The following IL1B variants were observed in gnomAD, a reference collection of about 807,000 sequenced individuals.
IL1B encodes interleukin 1 beta, also known as interleukin-1 beta.
IL1B carries 11 observed loss-of-function variants against 26.2 expected under a neutral mutation model. That is an observed-to-expected ratio of 0.42 (90% CI 0.26 to 0.70). IL1B has a LOEUF of 0.70. Ranked by LOEUF, IL1B falls within the 30% of genes least tolerant of loss-of-function variation. The probability of loss-of-function intolerance (pLI) is 0.25; values close to 1 mark genes in which losing one functional copy is unlikely to be tolerated. For missense variants in IL1B, 255 were observed against 327.5 expected (o/e 0.78, Z 1.71); for synonymous variants, 118 against 120.8 (o/e 0.98, Z 0.15).
Position 112,830,530 on chromosome 2 carries a change from C to A in IL1B, c.641G>T (p.Arg214Leu), listed in dbSNP as rs772717932. The change falls in exon 7 of 7, where the codon CGA (arginine) becomes CTA (leucine). Residue 214 changes from arginine (R) to leucine (L), a missense_variant. Transcript: ENST00000263341. ...KNYPKKKMEK[R>L]FVFNKIEINN... is the part of the protein sequence containing the mutation. ...GATTTCTATCTTGTTGAAGACAAAT[C>A]GCTTTTCCATCTTCTTCTTTGGGTA... 1.2e-6 allele frequency: 2 copies of A among 1,613,986 alleles called. No individual in the cohort carries two copies. The highest frequency in any genetic ancestry group is 1.7e-6 in the Non-Finnish European group (2 of 1,179,978).
In IL1B at chr2:112,831,330, A is replaced by C; in HGVS notation, c.559T>G (p.Cys187Gly). 1 of 1,614,032 alleles carries C rather than the reference A, an allele frequency of 6.2e-7. No homozygotes were observed. Among genetic ancestry groups the C allele is most frequent in the Non-Finnish European group, 8.5e-7 (1 of 1,179,942 alleles). ...GLKEKNLYLS[C>G]VLKDDKPTLQ... ...GTGGGCTTATCATCTTTCAACACGC[A>C]GGACAGGTACAGATTCTTTTCCTTG... Residue 187 changes from cysteine to glycine, a missense_variant, in exon 6 of 7, where the codon TGC becomes GGC. Transcript: ENST00000263341.
At chr2:112,832,544 A>T (rs992837444) in intron 5 of IL1B, 118 bp downstream of exon 5, 15 of 1,115,518 alleles carry the variant, frequency 1.3e-5, no homozygotes, top group Middle Eastern at 2.7e-4. Context: ...CCTTTTTAAT[A>T]TTTTTTTTCA....
intron 5 of IL1B, among the ~76,000 whole-genome samples, chr2:112,832,273 G>T (rs1188847375): frequency 6.6e-6 from 1 of 152,216 alleles, no homozygotes; most frequent in Admixed American, 6.5e-5. Flanking sequence ...AGACTGGGGA[G>T]GGGGATGGAC....
At chr2:112,835,706 G>A in intron 2 of IL1B, 89 bp from the exon 3 acceptor site, 2 of 1,149,402 alleles carry the variant, frequency 1.7e-6, no homozygotes, top group Non-Finnish European at 2.6e-6. Context: ...CTGTTCATAA[G>A]AAACTGCAAA....
intron 4 of IL1B, 149 bp from the exon 5 acceptor site, chr2:112,832,975 G>A: frequency 1.3e-6 from 1 of 756,862 alleles, no homozygotes; most frequent in Admixed American, 2.0e-5. Context: ...GCTGGGAGTG[G>A]GGTGGCTAAG....
Position 112,832,748 on chromosome 2 carries a change from C to T in IL1B, c.380G>A (p.Arg127Gln), listed in dbSNP as rs765269921. The change falls in exon 5 of 7, where the codon CGG (arginine) becomes CAG (glutamine). Residue 127 changes from arginine to glutamine, a missense_variant. By Grantham distance (43) the Arg-to-Gln change is conservative. Coordinates refer to ENST00000263341, the MANE Select transcript of IL1B (RefSeq NM_000576.3). ...CACCAAGCTTTTTTGCTGTGAGTCC[C>T]GGAGCGTGCAGTTCAGTGATCGTAC... ...APVRSLNCTL[R>Q]DSQQKSLVMS... 7.4e-6 allele frequency: 12 copies of T among 1,614,056 alleles called. No homozygotes were observed. The highest frequency in any genetic ancestry group is 1.6e-4 in the Middle Eastern group (1 of 6,062).
chr2:112,833,722 G>GA, intron 3 of IL1B, 147 bp from the exon 4 acceptor site: 1 of 788,158 alleles, frequency 1.3e-6, no homozygotes, highest in Non-Finnish European at 2.1e-6. Context: ...GGCCAGGCGT[G>GA]GTGGCTCATG....
intron 6 of IL1B, 59 bp downstream of exon 6, chr2:112,831,233 T>A: frequency 1.2e-6 from 2 of 1,606,184 alleles, no homozygotes; most frequent in Non-Finnish European, 1.7e-6. Flanking sequence ...AAGGTGGTTG[T>A]CTGGGAATAA....
In IL1B at chr2:112,832,925, T is replaced by C. The variant is rs1405566537; in HGVS notation, c.302-99A>G. 2.0e-5 allele frequency: 23 copies of C among 1,164,328 alleles called. No homozygotes were observed. In the Admixed American group the frequency reaches 3.5e-4, roughly 18 times the overall value. The allele number at this position is 1,164,328 out of a possible 1,614,324, so 72.1% of individuals were successfully genotyped here. On this transcript the variant is annotated intron_variant, in intron 4 of 6. Coordinates refer to ENST00000263341, the MANE Select transcript of IL1B (RefSeq NM_000576.3). ...TGATTTCTTGGAGGACACCTGAGCA[T>C]ATACGGTCAAAGTCTGATGACAACA...
In IL1B at chr2:112,832,825, T is replaced by A; in HGVS notation, c.303A>T (p.Glu101Asp). ...TATCCCATGTGTCGAAGAAGATAGGTTCTGAAATGTGGAGCACATGTTGTT... is the reference window on the plus strand; with the variant it reads ...TATCCCATGTGTCGAAGAAGATAGGATCTGAAATGTGGAGCACATGTTGTT... Reference protein sequence around the residue: ...STFFPFIFEEEPIFFDTWDNE... With the variant: ...STFFPFIFEEDPIFFDTWDNE... Residue 101 changes from glutamate (E) to aspartate (D), a missense_variant and splice_region_variant, in exon 5 of 7, where the codon GAA becomes GAT. Coordinates refer to ENST00000263341, the MANE Select transcript of IL1B (RefSeq NM_000576.3). 1 of 1,614,070 alleles carries A rather than the reference T, an allele frequency of 6.2e-7. No individual in the cohort carries two copies. The highest frequency in any genetic ancestry group is 8.5e-7 in the Non-Finnish European group (1 of 1,179,992).
chr2:112,834,635 T>G (rs1682052413), intron 3 of IL1B, among the ~76,000 whole-genome samples: 1 of 152,244 alleles, frequency 6.6e-6, no homozygotes, highest in African/African-American at 2.4e-5. Flanking sequence ...GACAAGCCAA[T>G]GGGCTCCTCC....
chr2:112,833,218 G>A (rs1405903244), intron 4 of IL1B, 156 bp downstream of exon 4: 2 of 732,326 alleles, frequency 2.7e-6, no homozygotes, highest in Non-Finnish European at 4.9e-6. Flanking sequence ...CCACTAAAGA[G>A]ATGATTGCTT....
chr2:112,830,710 G>A, intron 6 of IL1B, 137 bp from the exon 7 acceptor site: 5 of 674,632 alleles, frequency 7.4e-6, no homozygotes, highest in Non-Finnish European at 1.3e-5. Flanking sequence ...AGTTGTAACT[G>A]GGCCCCCAAC....
chr2:112,835,432 G>A (rs1035823527), intron 3 of IL1B, 134 bp downstream of exon 3: 3 of 740,406 alleles, frequency 4.1e-6, no homozygotes, highest in Admixed American at 4.0e-5. Context: ...GGTGCAGCCT[G>A]TGTCTCACTG....
chr2:112,835,901 C>T (rs1682080309), intron 2 of IL1B, among the ~76,000 whole-genome samples: 1 of 152,230 alleles, frequency 6.6e-6, no homozygotes, highest in Non-Finnish European at 1.5e-5. Context: ...TCCCTCCAAG[C>T]CACACTTTGC....
In IL1B at chr2:112,832,644, C is replaced by T. The variant is rs781699784; in HGVS notation, c.466+18G>A. On this transcript the variant is annotated intron_variant, in intron 5 of 6. Coordinates refer to ENST00000263341, the MANE Select transcript of IL1B (RefSeq NM_000576.3). ...CTGCCAGGAGGCCAGGCAGGGAAAC[C>T]AGGATGTTTCCATTTACCTTGTTGC... 44 of 1,612,768 alleles carry T rather than the reference C, an allele frequency of 2.7e-5. No individual in the cohort carries two copies. Among genetic ancestry groups the T allele is most frequent in the Non-Finnish European group, 3.6e-5 (43 of 1,178,904 alleles).
chr2:112,835,501 C>T (rs561202371), intron 3 of IL1B, 65 bp downstream of exon 3: 22 of 1,345,450 alleles, frequency 1.6e-5, no homozygotes, highest in Middle Eastern at 1.8e-4. Context: ...CCCAGAACTC[C>T]CTTCTTTGAG....
At chr2:112,832,332 G>T (rs76668723) in intron 5 of IL1B, among the ~76,000 whole-genome samples, 3 of 152,154 alleles carry the variant, frequency 2.0e-5, no homozygotes, top group Admixed American at 2.0e-4. Context: ...CAGGAAGAGA[G>T]AACCCACAGG....
intron 2 of IL1B, among the ~76,000 whole-genome samples, 163 bp downstream of exon 2, chr2:112,836,020 G>A (rs1404768816): frequency 6.6e-6 from 1 of 152,226 alleles, no homozygotes; most frequent in Admixed American, 6.5e-5. Flanking sequence ...AGGCTGGAGG[G>A]ACTTGTAATG....
Sources: allele counts gnomAD v4.1 joint callset (sites outside exome capture counted in the v4.1 genomes callset), GRCh38; gene constraint gnomAD v4.1.1; transcripts MANE v1.5; gene names NCBI Gene and HGNC (gene_info 2026-07-23, HGNC 2026-07-21).